Variants in KRT12 observed in about 807,000 individuals in gnomAD.
The protein encoded by KRT12 is keratin, type I cytoskeletal 12.
A neutral mutation model predicts 50.2 loss-of-function variants in KRT12; 43 were observed. The ratio of observed to expected loss-of-function variants is 0.86; its 90% confidence interval spans 0.67 to 1.11. KRT12 has a LOEUF of 1.11. KRT12 is among the 50% of genes least tolerant of loss of function. The probability of loss-of-function intolerance (pLI) is 0.00; values close to 1 mark genes in which losing one functional copy is unlikely to be tolerated. For missense variants in KRT12, 588 were observed against 625.6 expected (o/e 0.94, Z 0.64); for synonymous variants, 257 against 253.6 (o/e 1.01, Z -0.13).
chr17:40,862,439 G>A, intron 7 of KRT12, 126 bp downstream of exon 7: 2 of 738,062 alleles, frequency 2.7e-6, no homozygotes, highest in Non-Finnish European at 4.7e-6. Context: ...TTTTTCCTTG[G>A]CTCAGAATAT....
In KRT12 at chr17:40,864,726, A is replaced by T. The variant is rs1906946858; in HGVS notation, c.807+80T>A. On this transcript the variant is annotated intron_variant, in intron 3 of 7. Transcript: ENST00000251643. ...TTCTCCATACTTGTCCTGACTCCAG[A>T]TTTCTAAATTTGAAATTGTAATTTT... The T allele has an allele frequency of 6.9e-6, 10 of 1,459,582 alleles. No individual in the cohort carries two copies. In the Admixed American group the frequency reaches 1.7e-4, roughly 25 times the overall value. The allele number at this position is 1,459,582 out of a possible 1,614,324, so 90.4% of individuals were successfully genotyped here.
In KRT12 at chr17:40,863,406, C is replaced by G; in HGVS notation, c.1096-63G>C. 1 of 1,613,670 alleles carries G rather than the reference C, an allele frequency of 6.2e-7. No homozygotes were observed. The highest frequency in any genetic ancestry group is 8.5e-7 in the Non-Finnish European group (1 of 1,179,586). On this transcript the variant is annotated intron_variant, in intron 5 of 7. Transcript: ENST00000251643. This position sits in a 1 kb window ranked among gnomAD's most constrained non-coding sequence, Gnocchi z 4.2. Reference sequence around the variant, plus strand: ...GAGGGGACCGAAAAGAGGAGGGTAGCCAACGGCTAATGTAATTTGGATGCA... The same window carrying G: ...GAGGGGACCGAAAAGAGGAGGGTAGGCAACGGCTAATGTAATTTGGATGCA...
chr17:40,862,746 C>G lies in KRT12; in HGVS notation c.1317-111G>C, dbSNP rs1257419421. On this transcript the variant is annotated intron_variant, in intron 6 of 7. Coordinates refer to ENST00000251643, the MANE Select transcript of KRT12 (RefSeq NM_000223.4). ...AATTTGTAGGCCTGAGTTCTTCCAA[C>G]TAGTGCAGACTCTGATCACTTTTGG... 4 of 818,442 alleles carry G rather than the reference C, an allele frequency of 4.9e-6. No homozygotes were observed. The African/African-American group carries it at 6.7e-5, about 14-fold the overall frequency. 50.7% of individuals were successfully genotyped at this position (818,442 alleles called of 1,614,324 possible). A position where few individuals can be genotyped will look rare whatever the true frequency, so the allele number is the denominator to read the frequency against.
rs552477430 is a variant in KRT12, at chr17:40,863,194, C to T, written c.1245G>A (p.Leu415=). 26 of 1,614,126 alleles carry T rather than the reference C, an allele frequency of 1.6e-5. 1 individual carries two copies. In the South Asian group the frequency reaches 2.1e-4, roughly 13 times the overall value. Residue 415 remains leucine (L), a synonymous_variant, in exon 6 of 8, where the codon CTG becomes CTA. Coordinates refer to ENST00000251643, the MANE Select transcript of KRT12 (RefSeq NM_000223.4). The surrounding 1 kb of genome is among the most constrained non-coding windows in gnomAD (Gnocchi z 4.2). ...GCTCCAGGCGGGCCTTGACATTCAG[C>T]AGCCGCTGGTGGTCCACGTTCTGGC... ...AERQNVDHQR[L]LNVKARLELE...
At position 40,863,842 on chromosome 17, in the gene KRT12, C is replaced by T. The variant is rs746707035; in HGVS notation, c.830G>A (p.Gly277Asp). 3.0e-5 allele frequency: 48 copies of T among 1,607,604 alleles called. No homozygotes were observed. Among genetic ancestry groups the T allele is most frequent in the Middle Eastern group, 2.1e-4 (1 of 4,730 alleles). Residue 277 changes from glycine to aspartate, a missense_variant, in exon 4 of 8, where the codon GGC (glycine) becomes GAC (aspartate). Coordinates refer to ENST00000251643, the MANE Select transcript of KRT12 (RefSeq NM_000223.4). The surrounding 1 kb of genome is among the most constrained non-coding windows in gnomAD (Gnocchi z 4.2). ...TTCTACGCTGACCTCGCCTGGGCCG[C>T]CCACCCGGAAGCTTTGGAGCTCCTG... ...HEDELQSFRV[G>D]GPGEVSVEMD...
chr17:40,867,203 C>G lies in KRT12; in HGVS notation c.-17G>C, dbSNP rs773543125. 6.3e-7 allele frequency: 1 copy of G among 1,599,346 alleles called. No homozygotes were observed. Among genetic ancestry groups the G allele is most frequent in the Non-Finnish European group, 8.5e-7 (1 of 1,177,308 alleles). On this transcript the variant is annotated 5_prime_UTR_variant, in exon 1 of 8. Transcript: ENST00000251643. ...GAGATCCATGGCCTGGGGAAGGTGGCCACAACTGGAGAGGAAGTTGTGCCA... is the reference window on the plus strand; with the variant it reads ...GAGATCCATGGCCTGGGGAAGGTGGGCACAACTGGAGAGGAAGTTGTGCCA...
At chr17:40,866,282 C>T in intron 1 of KRT12, 45 bp from the exon 2 acceptor site, 1 of 1,413,174 alleles carries the variant, frequency 7.1e-7, no homozygotes, top group Non-Finnish European at 1.0e-6. Context: ...CCCTAAAAGA[C>T]TAGTATTATA....
In KRT12 at chr17:40,863,682, A is replaced by T; in HGVS notation, c.969+21T>A. 2 of 1,614,176 alleles carry T rather than the reference A, an allele frequency of 1.2e-6. No homozygotes were observed. Among genetic ancestry groups the T allele is most frequent in the Non-Finnish European group, 1.7e-6 (2 of 1,180,028 alleles). ...GCAGGCCTTTCTGTGAATGTATCAAAGCCTTTGTTGTTTGTGTTACCTTTT... is the reference window on the plus strand; with the variant it reads ...GCAGGCCTTTCTGTGAATGTATCAATGCCTTTGTTGTTTGTGTTACCTTTT... On this transcript the variant is annotated intron_variant, in intron 4 of 7. Transcript: ENST00000251643. The surrounding 1 kb of genome is among the most constrained non-coding windows in gnomAD (Gnocchi z 4.2).
chr17:40,867,122 GA>G lies in KRT12; in HGVS notation c.64del (p.Ser22ProfsTer5), dbSNP rs1437461249. ...GGGTCTGCCTATCACACTCTGCGAGGAGAGCCGCCGGGACAGTCCGGGGGTG... is the reference window on the plus strand; with the variant it reads ...GGGTCTGCCTATCACACTCTGCGAGGGAGCCGCCGGGACAGTCCGGGGGTG... Reference protein sequence around the residue: ...VRTPGLSRRLSSQSVIGRPRG... With the variant: ...VRTPGLSRRLXSQSVIGRPRG... On this transcript the variant is annotated frameshift_variant, in exon 1 of 8. Coordinates refer to ENST00000251643, the MANE Select transcript of KRT12 (RefSeq NM_000223.4). LOFTEE classifies it high-confidence loss of function. 1 of 1,613,244 alleles carries G rather than the reference GA, an allele frequency of 6.2e-7. No homozygotes were observed. Among genetic ancestry groups the G allele is most frequent in the African/African-American group, 1.3e-5 (1 of 74,932 alleles).
At chr17:40,862,234 A>AT (rs968792657) in intron 7 of KRT12, among the ~76,000 whole-genome samples, 3 of 151,006 alleles carry the variant, frequency 2.0e-5, no homozygotes, top group African/African-American at 7.3e-5. Context: ...ACACCCAGCT[A>AT]TTTTTTTTCT....
intron 6 of KRT12, 162 bp downstream of exon 6, chr17:40,862,961 A>G (rs767926690): frequency 2.4e-5 from 17 of 698,824 alleles, no homozygotes; most frequent in Non-Finnish European, 4.0e-5. Flanking sequence ...GGGTGAAAAC[A>G]CTTTGCAAAG....
intron 2 of KRT12, among the ~76,000 whole-genome samples, chr17:40,865,466 T>C (rs1451316818): frequency 1.3e-5 from 2 of 152,216 alleles, no homozygotes; most frequent in Non-Finnish European, 2.9e-5. Flanking sequence ...AAATTAGTAT[T>C]TCTTACCTAT....
chr17:40,863,202 G>A lies in KRT12; in HGVS notation c.1237C>T (p.Gln413Ter), dbSNP rs772456009. 10 of 1,613,988 alleles carry A rather than the reference G, an allele frequency of 6.2e-6. No homozygotes were observed. The highest frequency in any genetic ancestry group is 8.5e-6 in the Non-Finnish European group (10 of 1,180,048). The change falls in exon 6 of 8, where the codon CAG becomes TAG. Residue 413 changes from glutamine to a stop codon, truncating the protein, a stop_gained. Coordinates refer to ENST00000251643, the MANE Select transcript of KRT12 (RefSeq NM_000223.4). LOFTEE classifies it high-confidence loss of function. This position sits in a 1 kb window ranked among gnomAD's most constrained non-coding sequence, Gnocchi z 4.2. The part of the protein sequence containing the change: ...ADAERQNVDH[Q>*]RLLNVKARLE... ...CGGGCCTTGACATTCAGCAGCCGCT[G>A]GTGGTCCACGTTCTGGCGCTCTGCG...
At chr17:40,862,252 T>G (rs1408047956) in intron 7 of KRT12, among the ~76,000 whole-genome samples, 1 of 151,924 alleles carries the variant, frequency 6.6e-6, no homozygotes, top group African/African-American at 2.4e-5. Flanking sequence ...TCTTAAGTTT[T>G]TTGTAGAGAT....
In KRT12 at chr17:40,863,015, G is replaced by GTGTT. The variant is rs550252808; in HGVS notation, c.1316+104_1316+107dup. The stretch of plus-strand genomic sequence containing the variant: ...TCCCAGGCATATCTTTACTAGACTT[G>GTGTT]TGTTTGTTTGTTTGCTTTTCTGTCA... On this transcript the variant is annotated intron_variant, in intron 6 of 7. Transcript: ENST00000251643. This position sits in a 1 kb window ranked among gnomAD's most constrained non-coding sequence, Gnocchi z 4.2. The GTGTT allele has an allele frequency of 4.6e-3, 4,299 of 943,830 alleles. 16 individuals are homozygous for GTGTT. Among genetic ancestry groups the GTGTT allele is most frequent in the Non-Finnish European group, 5.6e-3 (3,291 of 591,384 alleles). 58.5% of individuals were successfully genotyped at this position (943,830 alleles called of 1,614,324 possible).
Position 40,866,186 on chromosome 17 carries a change from C to T in KRT12, c.619G>A (p.Ala207Thr), listed in dbSNP as rs924023479. ...CTGAAGTCCTCAGCAGCTAGTCTCGCATTGTCAATCTGCAAGAGGAGCTGG... is the reference window on the plus strand; with the variant it reads ...CTGAAGTCCTCAGCAGCTAGTCTCGTATTGTCAATCTGCAAGAGGAGCTGG... ...NAQLLLQIDNARLAAEDFRMK... is the reference protein window; with the variant it reads ...NAQLLLQIDNTRLAAEDFRMK... The change falls in exon 2 of 8, where the codon GCG becomes ACG. Residue 207 changes from alanine (A) to threonine (T), a missense_variant. Ala to Thr is a moderately conservative substitution (Grantham distance 58, BLOSUM62 0). Coordinates refer to ENST00000251643, the MANE Select transcript of KRT12 (RefSeq NM_000223.4). The T allele has an allele frequency of 9.3e-6, 15 of 1,613,980 alleles. No individual in the cohort carries two copies. In the African/African-American group the frequency reaches 2.0e-4, roughly 22 times the overall value.
Position 40,867,113 on chromosome 17 carries a change from C to A in KRT12, c.74G>T (p.Ser25Ile), listed in dbSNP as rs537683583. 6.2e-6 allele frequency: 10 copies of A among 1,613,804 alleles called. No individual in the cohort carries two copies. Among genetic ancestry groups the A allele is most frequent in the Non-Finnish European group, 7.6e-6 (9 of 1,180,034 alleles). ...PGLSRRLSSQ[S>I]VIGRPRGMSA... The stretch of plus-strand genomic sequence containing the variant: ...CATGCCCCTGGGTCTGCCTATCACA[C>A]TCTGCGAGGAGAGCCGCCGGGACAG... The change falls in exon 1 of 8, where the codon AGT (serine) becomes ATT (isoleucine). Residue 25 changes from serine to isoleucine, a missense_variant. Transcript: ENST00000251643.
intron 3 of KRT12, 43 bp downstream of exon 3, chr17:40,864,763 G>GAAAA: frequency 6.7e-7 from 1 of 1,488,662 alleles, no homozygotes; most frequent in Non-Finnish European, 9.2e-7. Context: ...GGGTCTGGGA[G>GAAAA]AAAAAAAAAA....
At chr17:40,866,315 G>T in intron 1 of KRT12, 78 bp from the exon 2 acceptor site, 2 of 1,098,592 alleles carry the variant, frequency 1.8e-6, no homozygotes, top group Non-Finnish European at 2.8e-6. Context: ...TGACACAAAG[G>T]TGAAAATGGT....
Sources: allele counts gnomAD v4.1 joint callset (sites outside exome capture counted in the v4.1 genomes callset), GRCh38; gene constraint gnomAD v4.1.1; non-coding constraint Gnocchi (gnomAD v3.1); transcripts MANE v1.5; gene names NCBI Gene and HGNC (gene_info 2026-07-23, HGNC 2026-07-21).